The following SPAG16 variants were observed in gnomAD, a reference collection of about 807,000 sequenced individuals.
SPAG16 encodes sperm associated antigen 16, also known as sperm-associated antigen 16 protein.
SPAG16 carries 86 observed loss-of-function variants against 80.4 expected under a neutral mutation model. That is an observed-to-expected ratio of 1.07 (90% CI 0.90 to 1.28). The LOEUF is 1.28. SPAG16 is among the 50% of genes most tolerant of loss of function. The pLI, the probability that SPAG16 is intolerant of heterozygous loss-of-function variation, is 0.00. For synonymous variants in SPAG16, 294 were observed against 265.9 expected (o/e 1.11, Z -1.03); for missense variants, 870 against 765.3 (o/e 1.14, Z -1.61).
intron 10 of SPAG16, among the ~76,000 whole-genome samples, chr2:213,849,621 T>A (rs1257219458): frequency 6.6e-6 from 1 of 152,224 alleles, no homozygotes; most frequent in East Asian, 1.9e-4. Flanking sequence ...TACCTCAGCA[T>A]GTAAATTTAC....
At chr2:213,353,232 A>G (rs2065433101) in intron 7 of SPAG16, among the ~76,000 whole-genome samples, 1 of 152,216 alleles carries the variant, frequency 6.6e-6, no homozygotes, top group Non-Finnish European at 1.5e-5. Flanking sequence ...GGCCTCTGCC[A>G]CAATATCTGT....
intron 15 of SPAG16, among the ~76,000 whole-genome samples, chr2:214,298,177 T>C (rs1233603540): frequency 2.0e-5 from 3 of 149,256 alleles, no homozygotes; most frequent in East Asian, 3.9e-4. Flanking sequence ...CACACACACA[T>C]ATATATATAT....
chr2:213,542,237 T>C (rs550394532), intron 10 of SPAG16, among the ~76,000 whole-genome samples: 42 of 152,328 alleles, frequency 2.8e-4, no homozygotes, highest in South Asian at 8.3e-4. Context: ...CTTTTGAAGA[T>C]GGTACTTGTG....
At chr2:213,743,941 T>G (rs554460822) in intron 10 of SPAG16, among the ~76,000 whole-genome samples, 1 of 152,362 alleles carries the variant, frequency 6.6e-6, no homozygotes, top group South Asian at 2.1e-4. Flanking sequence ...TTCTGCTGAT[T>G]CTTATTCCTG....
chr2:214,344,626 C>T (rs934554196), intron 15 of SPAG16, among the ~76,000 whole-genome samples: 1 of 152,056 alleles, frequency 6.6e-6, no homozygotes, highest in African/African-American at 2.4e-5. Context: ...TAAAGTGTGA[C>T]CTAAATCATA....
chr2:214,020,759 C>T (rs2047823273), intron 13 of SPAG16, among the ~76,000 whole-genome samples: 1 of 152,164 alleles, frequency 6.6e-6, no homozygotes, highest in Admixed American at 6.5e-5. Context: ...AGGGTTTCCT[C>T]TTGTTCTGAG....
rs145578249 is a variant in SPAG16 at position 213,384,084 on chromosome 2, C to T, written c.942+8965C>T. The stretch of plus-strand genomic sequence containing the variant: ...GGTTGAGTTTGCAGTAGTCTCCTGT[C>T]ATCCTCCAGGATCTTTGTTTATTAT... On this transcript the variant is annotated intron_variant, in intron 9 of 15. Coordinates refer to ENST00000331683, the MANE Select transcript of SPAG16 (RefSeq NM_024532.5). 6.4e-4 allele frequency among the ~76,000 whole-genome samples: 98 copies of T among 152,304 alleles called. 1 individual carries two copies. The highest frequency in any genetic ancestry group is 3.7e-3 in the East Asian group (19 of 5,182).
At chr2:214,285,330 G>GT (rs1016584015) in intron 15 of SPAG16, among the ~76,000 whole-genome samples, 3 of 151,000 alleles carry the variant, frequency 2.0e-5, no homozygotes, top group South Asian at 2.1e-4. Context: ...TTGAGGTTTT[G>GT]TTTTTTTTCA....
chr2:214,162,641 T>G lies in SPAG16; in HGVS notation c.1720+13375T>G, dbSNP rs555791165. 2.0e-5 allele frequency among the ~76,000 whole-genome samples: 3 copies of G among 152,236 alleles called. No individual in the cohort carries two copies. In the East Asian group the frequency reaches 5.8e-4, roughly 29 times the overall value. On this transcript the variant is annotated intron_variant, in intron 15 of 15. Transcript: ENST00000331683. ...ACTTCAAACCAATAGACACATCATTTTCTGAATTTTCCTTTCTAATATGCT... is the reference window on the plus strand; with the variant it reads ...ACTTCAAACCAATAGACACATCATTGTCTGAATTTTCCTTTCTAATATGCT...
chr2:213,745,129 AGTTATACAATGCAATTAATTAAAT>A lies in SPAG16; in HGVS notation c.1071-117354_1071-117331del, dbSNP rs1476339902. ...TTTCTTTTTTTCTAAAAAGTTAACC[AGTTATACAATGCAATTAATTAAAT>A]GCAGATGTCTATGATTTTAAAAAAC... On this transcript the variant is annotated intron_variant, in intron 10 of 15. Transcript: ENST00000331683. Among the ~76,000 whole-genome samples, 3 of 152,234 alleles carry A rather than the reference AGTTATACAATGCAATTAATTAAAT, an allele frequency of 2.0e-5. No individual in the cohort carries two copies. In the East Asian group the frequency reaches 5.8e-4, roughly 29 times the overall value.
chr2:213,649,491 A>G (rs992892194), intron 10 of SPAG16, among the ~76,000 whole-genome samples: 1 of 152,262 alleles, frequency 6.6e-6, no homozygotes, highest in Non-Finnish European at 1.5e-5. Flanking sequence ...CCCAGAATCC[A>G]GGAAAGATGA....
intron 10 of SPAG16, among the ~76,000 whole-genome samples, chr2:213,722,742 A>T (rs2066587418): frequency 6.6e-6 from 1 of 152,124 alleles, no homozygotes; most frequent in South Asian, 2.1e-4. Flanking sequence ...ATGCAGATTG[A>T]CTCTGAATTG....
At chr2:214,091,307 C>T (rs1326044330) in intron 13 of SPAG16, among the ~76,000 whole-genome samples, 1 of 152,104 alleles carries the variant, frequency 6.6e-6, no homozygotes, top group Non-Finnish European at 1.5e-5. Context: ...ACTAATACTA[C>T]TCCATTTTGC....
chr2:214,209,470 C>T (rs1271382394), intron 15 of SPAG16, among the ~76,000 whole-genome samples: 2 of 152,168 alleles, frequency 1.3e-5, no homozygotes, highest in Non-Finnish European at 2.9e-5. Context: ...GAAAACTATT[C>T]AAACAAAAGC....
At chr2:213,592,539 A>G (rs1235502239) in intron 10 of SPAG16, among the ~76,000 whole-genome samples, 1 of 152,246 alleles carries the variant, frequency 6.6e-6, no homozygotes, top group Non-Finnish European at 1.5e-5. Context: ...CTACTGCCTG[A>G]TATTTAATAT....
chr2:213,785,700 TTATATC>T (rs1433370569), intron 10 of SPAG16, among the ~76,000 whole-genome samples: 3 of 152,152 alleles, frequency 2.0e-5, no homozygotes, highest in Non-Finnish European at 2.9e-5. Context: ...ATTAAGAACT[TTATATC>T]TATATTTACT....
intron 11 of SPAG16, among the ~76,000 whole-genome samples, chr2:213,910,314 C>G (rs1381648797): frequency 1.3e-5 from 2 of 152,120 alleles, no homozygotes; most frequent in Non-Finnish European, 2.9e-5. Context: ...TCTGACTTCT[C>G]TTCAGATCAT....
intron 15 of SPAG16, among the ~76,000 whole-genome samples, chr2:214,255,836 T>C (rs1690645286): frequency 6.6e-6 from 1 of 151,944 alleles, no homozygotes; most frequent in Non-Finnish European, 1.5e-5. Flanking sequence ...ATTATATGAA[T>C]ATATTGGTTT....
chr2:213,307,144 A>C (rs2126104705), intron 3 of SPAG16, among the ~76,000 whole-genome samples: 1 of 152,288 alleles, frequency 6.6e-6, no homozygotes, highest in African/African-American at 2.4e-5. Flanking sequence ...CACTATTGTG[A>C]ATGTCATAGC....
Sources: allele counts gnomAD v4.1 joint callset (sites outside exome capture counted in the v4.1 genomes callset), GRCh38; gene constraint gnomAD v4.1.1; transcripts MANE v1.5; gene names NCBI Gene and HGNC (gene_info 2026-07-23, HGNC 2026-07-21).